The following FUT4 variants were observed in gnomAD, a reference collection of about 807,000 sequenced individuals.
FUT4 encodes fucosyltransferase 4, also known as alpha-(1,3)-fucosyltransferase 4.
FUT4 carries 1 observed loss-of-function variant against 3.8 expected under a neutral mutation model. That is an observed-to-expected ratio of 0.26 (90% confidence interval 0.09 to 1.25). The LOEUF (loss-of-function observed/expected upper bound fraction) is 1.25, where lower values mean the gene tolerates loss of function less well. FUT4 is among the 50% of genes most tolerant of loss of function. The pLI is 0.47. For synonymous variants in FUT4, 417 were observed against 355.3 expected (o/e 1.17, Z -1.95); for missense variants, 880 against 768.2 (o/e 1.15, Z -1.72).
At position 94,545,299 on chromosome 11, in the gene FUT4, G is replaced by T; in HGVS notation, c.1166G>T (p.Gly389Val). 6.2e-7 allele frequency: 1 copy of T among 1,611,652 alleles called. No individual in the cohort carries two copies. Among genetic ancestry groups the T allele is most frequent in the Non-Finnish European group, 8.5e-7 (1 of 1,179,432 alleles). ...QHVTVDVFGR[G>V]GPGQPVPEIG... ...GTGACCGTGGACGTGTTCGGCCGGGGCGGGCCGGGGCAGCCGGTGCCCGAA... is the reference window on the plus strand; with the variant it reads ...GTGACCGTGGACGTGTTCGGCCGGGTCGGGCCGGGGCAGCCGGTGCCCGAA... Residue 389 changes from glycine to valine, a missense_variant, in exon 1 of 1, where the codon GGC becomes GTC. This residue lies in a region of FUT4 where 424 missense variants were observed against 400.4 expected (regional missense o/e 1.06). Transcript: ENST00000358752.
chr11:94,545,334 C>T lies in FUT4; in HGVS notation c.1201C>T (p.Leu401=). 5.0e-6 allele frequency: 8 copies of T among 1,612,910 alleles called. No homozygotes were observed. The highest frequency in any genetic ancestry group is 6.8e-6 in the Non-Finnish European group (8 of 1,179,898). ...GCAGCCGGTGCCCGAAATTGGGCTCCTGCACACAGTGGCCCGCTACAAGTT... is the reference window on the plus strand; with the variant it reads ...GCAGCCGGTGCCCGAAATTGGGCTCTTGCACACAGTGGCCCGCTACAAGTT... ...PGQPVPEIGL[L]HTVARYKFYL... Residue 401 remains leucine (L), a synonymous_variant, in exon 1 of 1, where the codon CTG becomes TTG. Coordinates refer to ENST00000358752, the MANE Select transcript of FUT4 (RefSeq NM_002033.4).
In FUT4 at chr11:94,544,425, C is replaced by A. The variant is rs1947833067; in HGVS notation, c.292C>A (p.Pro98Thr). Residue 98 changes from proline (P) to threonine (T), a missense_variant, in exon 1 of 1, where the codon CCG (proline) becomes ACG (threonine). Coordinates refer to ENST00000358752, the MANE Select transcript of FUT4 (RefSeq NM_002033.4). ...ASGERQRRLEPQLQHESRCRS... is the reference protein window; with the variant it reads ...ASGERQRRLETQLQHESRCRS... The stretch of plus-strand genomic sequence containing the variant: ...CGGCGAGCGGCAGCGACGGCTGGAG[C>A]CGCAGCTACAGCATGAGAGCCGGTG... The A allele has an allele frequency of 1.3e-6, 2 of 1,525,064 alleles. No individual in the cohort carries two copies. Among genetic ancestry groups the A allele is most frequent in the East Asian group, 5.2e-5 (2 of 38,756 alleles). The allele number at this position is 1,525,064 out of a possible 1,614,324, so 94.5% of individuals were successfully genotyped here.
rs1030896794 is a variant in FUT4, at chr11:94,546,405, G to A, written c.*679G>A. 4 of 172,932 alleles carry A rather than the reference G, an allele frequency of 2.3e-5. No homozygotes were observed. The highest frequency in any genetic ancestry group is 5.6e-5 in the Non-Finnish European group (4 of 71,234). 10.7% of individuals were successfully genotyped at this position (172,932 alleles called of 1,614,324 possible). A position where few individuals can be genotyped will look rare whatever the true frequency, so the allele number is the denominator to read the frequency against. On this transcript the variant is annotated 3_prime_UTR_variant, in exon 1 of 1. Coordinates refer to ENST00000358752, the MANE Select transcript of FUT4 (RefSeq NM_002033.4). ...CATGCGTGTACCTCACTTTACATAA[G>A]AAATGTATTCCTGAAAAGCTGCATT...
At position 94,544,519 on chromosome 11, in the gene FUT4, CG is replaced by C; in HGVS notation, c.387del (p.Trp130GlyfsTer32). ...AALPVRAMGA[P>X]WGSPTAAAGG... ...CTGCCTGTTCGCGCCATGGGGGCAC[CG>C]TGGGGCTCGCCGACGGCGGCGGCGG... On this transcript the variant is annotated frameshift_variant, in exon 1 of 1. Coordinates refer to ENST00000358752, the MANE Select transcript of FUT4 (RefSeq NM_002033.4). LOFTEE classifies it low-confidence loss of function (END_TRUNC). The C allele has an allele frequency of 7.6e-7, 1 of 1,307,848 alleles. No individual in the cohort carries two copies. Among genetic ancestry groups the C allele is most frequent in the South Asian group, 2.5e-5 (1 of 39,470 alleles). The allele number at this position is 1,307,848 out of a possible 1,614,324, so 81.0% of individuals were successfully genotyped here.
In FUT4 at chr11:94,544,827, G is replaced by A. The variant is rs1244691416; in HGVS notation, c.694G>A (p.Ala232Thr). The change falls in exon 1 of 1, where the codon GCT becomes ACT. Residue 232 changes from alanine to threonine, a missense_variant. Ala to Thr is a moderately conservative substitution (Grantham distance 58). Coordinates refer to ENST00000358752, the MANE Select transcript of FUT4 (RefSeq NM_002033.4). Reference sequence around the variant, plus strand: ...CACCGACCGCGCGTCCTACGGAGAGGCTCAGGCCGTGCTTTTCCACCACCG... The same window carrying A: ...CACCGACCGCGCGTCCTACGGAGAGACTCAGGCCGTGCTTTTCCACCACCG... Reference protein sequence around the residue: ...LLTDRASYGEAQAVLFHHRDL... With the variant: ...LLTDRASYGETQAVLFHHRDL... 3 of 1,602,934 alleles carry A rather than the reference G, an allele frequency of 1.9e-6. No individual in the cohort carries two copies. In the South Asian group the frequency reaches 3.3e-5, roughly 18 times the overall value.
At position 94,549,092 on chromosome 11, in the gene FUT4, G is replaced by A. The variant is rs1947898462; in HGVS notation, c.*3366G>A. The A allele has an allele frequency of 6.0e-6, 1 of 166,984 alleles. No homozygotes were observed. The highest frequency in any genetic ancestry group is 1.5e-5 in the Non-Finnish European group (1 of 68,114). The allele number at this position is 166,984 out of a possible 1,614,324, so 10.3% of individuals were successfully genotyped here. A position where few individuals can be genotyped will look rare whatever the true frequency, so the allele number is the denominator to read the frequency against. On this transcript the variant is annotated 3_prime_UTR_variant, in exon 1 of 1. Coordinates refer to ENST00000358752, the MANE Select transcript of FUT4 (RefSeq NM_002033.4). ...GATTAAATGTGATGATGTATGCCAA[G>A]GTGCTTTGTATATTGTAAAGTGCTA...
rs1216371064 is a variant in FUT4, at chr11:94,547,752, C to G, written c.*2026C>G. On this transcript the variant is annotated 3_prime_UTR_variant, in exon 1 of 1. Coordinates refer to ENST00000358752, the MANE Select transcript of FUT4 (RefSeq NM_002033.4). ...CCACATGGGGCAGTGGGAAAGAGTTCAGGTTTTGAAGGTAACCTAGTTTAG... is the reference window on the plus strand; with the variant it reads ...CCACATGGGGCAGTGGGAAAGAGTTGAGGTTTTGAAGGTAACCTAGTTTAG... 1 of 167,010 alleles carries G rather than the reference C, an allele frequency of 6.0e-6. No homozygotes were observed. The highest frequency in any genetic ancestry group is 1.5e-5 in the Non-Finnish European group (1 of 68,102). 10.3% of individuals were successfully genotyped at this position (167,010 alleles called of 1,614,324 possible).
chr11:94,545,135 C>T lies in FUT4; in HGVS notation c.1002C>T (p.Tyr334=), dbSNP rs753837966. 5.6e-6 allele frequency: 9 copies of T among 1,612,230 alleles called. No homozygotes were observed. The South Asian group carries it at 9.9e-5, about 18-fold the overall frequency. ...SDVFVPYGYL[Y]PRSHPGDPPS... ...TCTTTGTGCCTTATGGCTACCTCTA[C>T]CCCAGAAGCCACCCCGGCGACCCGC... The change falls in exon 1 of 1, where the codon TAC becomes TAT. Residue 334 remains tyrosine (Y), a synonymous_variant. Transcript: ENST00000358752.
rs572907867 is a variant in FUT4 at position 94,547,926 on chromosome 11, C to T, written c.*2200C>T. 6.0e-6 allele frequency: 1 copy of T among 167,052 alleles called. No individual in the cohort carries two copies. Among genetic ancestry groups the T allele is most frequent in the African/African-American group, 2.4e-5 (1 of 41,546 alleles). The allele number at this position is 167,052 out of a possible 1,614,324, so 10.3% of individuals were successfully genotyped here. On this transcript the variant is annotated 3_prime_UTR_variant, in exon 1 of 1. Coordinates refer to ENST00000358752, the MANE Select transcript of FUT4 (RefSeq NM_002033.4). ...TGAAAGTACCTAAAATAGCAGGCAC[C>T]CAATTGATGATTTTATATCTTCCTT...
chr11:94,544,747 CG>C lies in FUT4; in HGVS notation c.615del (p.Arg206GlyfsTer38), dbSNP rs1565258799. Reference protein sequence around the residue: ...WEPFGGRDSAPRPPPDCRLRF... With the variant: ...WEPFGGRDSAXRPPPDCRLRF... ...CCCTTCGGGGGGCGCGATAGCGCCC[CG>C]AGGCCGCCCCCTGACTGCCGGCTGC... On this transcript the variant is annotated frameshift_variant, in exon 1 of 1. Coordinates refer to ENST00000358752, the MANE Select transcript of FUT4 (RefSeq NM_002033.4). LOFTEE classifies it low-confidence loss of function (END_TRUNC). 6.4e-7 allele frequency: 1 copy of C among 1,563,406 alleles called. No individual in the cohort carries two copies. The highest frequency in any genetic ancestry group is 1.8e-5 in the Admixed American group (1 of 54,540).
In FUT4 at chr11:94,547,653, A is replaced by C. The variant is rs1947878703; in HGVS notation, c.*1927A>C. On this transcript the variant is annotated 3_prime_UTR_variant, in exon 1 of 1. Coordinates refer to ENST00000358752, the MANE Select transcript of FUT4 (RefSeq NM_002033.4). Reference sequence around the variant, plus strand: ...ACAATTACAAAGTGCCAGCCACCGAATAAAGATAAAAGTTCAGTTCTTAAA... The same window carrying C: ...ACAATTACAAAGTGCCAGCCACCGACTAAAGATAAAAGTTCAGTTCTTAAA... 3 of 167,104 alleles carry C rather than the reference A, an allele frequency of 1.8e-5. No individual in the cohort carries two copies. Among genetic ancestry groups the C allele is most frequent in the Admixed American group, 6.5e-5 (1 of 15,290 alleles). 10.4% of individuals were successfully genotyped at this position (167,104 alleles called of 1,614,324 possible).
In FUT4 at chr11:94,546,106, A is replaced by C; in HGVS notation, c.*380A>C. ...TATTTGTGGCCCGTGCAGCTTCCAAATCTCATACACAACTGTTCCCGATTC... is the reference window on the plus strand; with the variant it reads ...TATTTGTGGCCCGTGCAGCTTCCAACTCTCATACACAACTGTTCCCGATTC... On this transcript the variant is annotated 3_prime_UTR_variant, in exon 1 of 1. Transcript: ENST00000358752. 1 of 373,072 alleles carries C rather than the reference A, an allele frequency of 2.7e-6. No individual in the cohort carries two copies. The highest frequency in any genetic ancestry group is 5.5e-6 in the Non-Finnish European group (1 of 183,298). The allele number at this position is 373,072 out of a possible 1,614,324, so 23.1% of individuals were successfully genotyped here.
Position 94,546,129 on chromosome 11 carries a change from T to G in FUT4, c.*403T>G. The G allele has an allele frequency of 2.8e-6, 1 of 352,356 alleles. No individual in the cohort carries two copies. Among genetic ancestry groups the G allele is most frequent in the Non-Finnish European group, 5.8e-6 (1 of 171,370 alleles). The allele number at this position is 352,356 out of a possible 1,614,324, so 21.8% of individuals were successfully genotyped here. A position where few individuals can be genotyped will look rare whatever the true frequency, so the allele number is the denominator to read the frequency against. ...AAATCTCATACACAACTGTTCCCGA[T>G]TCACGTTTTTCTGGACCAAGGTGAA... is the stretch of plus-strand genomic sequence containing the variant. On this transcript the variant is annotated 3_prime_UTR_variant, in exon 1 of 1. Transcript: ENST00000358752.
Position 94,544,014 on chromosome 11 carries a change from A to G in FUT4, c.-120A>G. On this transcript the variant is annotated 5_prime_UTR_variant, in exon 1 of 1. Coordinates refer to ENST00000358752, the MANE Select transcript of FUT4 (RefSeq NM_002033.4). ...GGTCTCGAGCCTCCTGTACCTTCCC[A>G]GGGATGAACCGGGCCTTCCCTCTGG... The G allele has an allele frequency of 7.7e-7, 1 of 1,301,784 alleles. No individual in the cohort carries two copies. The highest frequency in any genetic ancestry group is 9.9e-7 in the Non-Finnish European group (1 of 1,015,040). The allele number at this position is 1,301,784 out of a possible 1,614,324, so 80.6% of individuals were successfully genotyped here. A position where few individuals can be genotyped will look rare whatever the true frequency, so the allele number is the denominator to read the frequency against.
chr11:94,544,434 C>A lies in FUT4; in HGVS notation c.301C>A (p.Gln101Lys). ...ERQRRLEPQL[Q>K]HESRCRSSTP... ...GCAGCGACGGCTGGAGCCGCAGCTA[C>A]AGCATGAGAGCCGGTGCCGCTCCTC... Residue 101 changes from glutamine to lysine, a missense_variant, in exon 1 of 1, where the codon CAG (glutamine) becomes AAG (lysine). Gln to Lys is a moderately conservative substitution (Grantham distance 53, BLOSUM62 1). Transcript: ENST00000358752. 6.6e-7 allele frequency: 1 copy of A among 1,521,236 alleles called. No homozygotes were observed. Among genetic ancestry groups the A allele is most frequent in the South Asian group, 1.2e-5 (1 of 83,148 alleles). 94.2% of individuals were successfully genotyped at this position (1,521,236 alleles called of 1,614,324 possible).
At position 94,544,575 on chromosome 11, in the gene FUT4, G is replaced by T; in HGVS notation, c.442G>T (p.Gly148Trp). ...GCGGCGCGGGTGGCGCCGAGGCCGG[G>T]GGCTGCCATGGACCGTCTGTGTGCT... ...GGRRGWRRGR[G>W]LPWTVCVLAA... Residue 148 changes from glycine to tryptophan, a missense_variant, in exon 1 of 1, where the codon GGG becomes TGG. Gly to Trp is a radical substitution (Grantham distance 184). This residue lies in a region of FUT4 where 447 missense variants were observed against 339.5 expected (regional missense o/e 1.32). Coordinates refer to ENST00000358752, the MANE Select transcript of FUT4 (RefSeq NM_002033.4). 7.6e-7 allele frequency: 1 copy of T among 1,310,692 alleles called. No individual in the cohort carries two copies. 81.2% of individuals were successfully genotyped at this position (1,310,692 alleles called of 1,614,324 possible).
rs761108904 is a variant in FUT4 at position 94,544,290 on chromosome 11, T to C, written c.157T>C (p.Trp53Arg). The change falls in exon 1 of 1, where the codon TGG becomes CGG. Residue 53 changes from tryptophan (W) to arginine (R), a missense_variant. Physicochemically the swap from Trp to Arg is moderately radical, Grantham distance 101. This residue lies in a region of FUT4 where 447 missense variants were observed against 339.5 expected (regional missense o/e 1.32). Coordinates refer to ENST00000358752, the MANE Select transcript of FUT4 (RefSeq NM_002033.4). ...ACGGGCGGTGCCCGGTTGGGCGTCC[T>C]GGCCAGCTCACCTTGCCCTGGCGGC... ...KGRAVPGWAS[W>R]PAHLALAARP... 10 of 1,558,900 alleles carry C rather than the reference T, an allele frequency of 6.4e-6. No individual in the cohort carries two copies. The Admixed American group carries it at 1.6e-4, about 25-fold the overall frequency.
Position 94,544,237 on chromosome 11 carries a change from T to C in FUT4, c.104T>C (p.Leu35Pro), listed in dbSNP as rs561596556. Residue 35 changes from leucine (L) to proline (P), a missense_variant, in exon 1 of 1, where the codon CTG (leucine) becomes CCG (proline). Around this residue, in one of 3 missense-constraint regions of FUT4, gnomAD observed 447 missense variants for 339.5 expected, o/e 1.32. Coordinates refer to ENST00000358752, the MANE Select transcript of FUT4 (RefSeq NM_002033.4). ...GCTCCCGGGGCCTGGTCGGGCCGGC[T>C]GGGCCCCGGGCGCAGTGGAAGAAAG... ...QEAPGAWSGR[L>P]GPGRSGRKGR... 2.7e-5 allele frequency: 40 copies of C among 1,488,948 alleles called. No homozygotes were observed. Among genetic ancestry groups the C allele is most frequent in the African/African-American group, 1.5e-4 (10 of 68,226 alleles). 92.2% of individuals were successfully genotyped at this position (1,488,948 alleles called of 1,614,324 possible). A position where few individuals can be genotyped will look rare whatever the true frequency, so the allele number is the denominator to read the frequency against.
At position 94,544,548 on chromosome 11, in the gene FUT4, G is replaced by A; in HGVS notation, c.415G>A (p.Gly139Arg). 1 of 1,290,870 alleles carries A rather than the reference G, an allele frequency of 7.7e-7. No homozygotes were observed. The highest frequency in any genetic ancestry group is 2.9e-5 in the South Asian group (1 of 34,652). The allele number at this position is 1,290,870 out of a possible 1,614,324, so 80.0% of individuals were successfully genotyped here. A position where few individuals can be genotyped will look rare whatever the true frequency, so the allele number is the denominator to read the frequency against. Reference protein sequence around the residue: ...PWGSPTAAAGGRRGWRRGRGL... With the variant: ...PWGSPTAAAGRRRGWRRGRGL... ...GGGCTCGCCGACGGCGGCGGCGGGC[G>A]GGCGGCGCGGGTGGCGCCGAGGCCG... The change falls in exon 1 of 1, where the codon GGG (glycine) becomes AGG (arginine). Residue 139 changes from glycine to arginine, a missense_variant. This residue lies in a region of FUT4 where 447 missense variants were observed against 339.5 expected (regional missense o/e 1.32). Coordinates refer to ENST00000358752, the MANE Select transcript of FUT4 (RefSeq NM_002033.4).
Sources: allele counts gnomAD v4.1 joint callset, GRCh38; gene constraint gnomAD v4.1.1; regional missense constraint gnomAD v4.1.1; transcripts MANE v1.5; gene names NCBI Gene and HGNC (gene_info 2026-07-23, HGNC 2026-07-21).